The following NCAPD2 variants were observed in gnomAD, a reference collection of about 807,000 sequenced individuals.
NCAPD2 encodes non-SMC condensin I complex subunit D2.
In NCAPD2, 100 loss-of-function variants were observed where a neutral mutation model predicts 164.5. That is an observed-to-expected ratio of 0.61 (90% CI 0.52 to 0.72). The LOEUF (loss-of-function observed/expected upper bound fraction) is 0.72. Ranked by LOEUF, NCAPD2 falls within the 30% of genes least tolerant of loss-of-function variation. NCAPD2 has a pLI of 0.00. For synonymous variants in NCAPD2, 585 were observed against 642.6 expected (o/e 0.91, Z 1.36); for missense variants, 1,560 against 1,749.2 (o/e 0.89, Z 1.93).
chr12:6,528,628 A>C lies in NCAPD2; in HGVS notation c.3300-51A>C. On this transcript the variant is annotated intron_variant, in intron 25 of 31. Coordinates refer to ENST00000315579, the MANE Select transcript of NCAPD2 (RefSeq NM_014865.4). This position sits in a 1 kb window ranked among gnomAD's most constrained non-coding sequence, Gnocchi z 5.1. ...GCTGAGGGCCTTTTCTACCAGTGTT[A>C]GGGTGTAGCCCGGAGGTCTCGGTCC... 1 of 1,569,478 alleles carries C rather than the reference A, an allele frequency of 6.4e-7. No individual in the cohort carries two copies. Among genetic ancestry groups the C allele is most frequent in the Non-Finnish European group, 8.7e-7 (1 of 1,148,002 alleles).
intron 9 of NCAPD2, among the ~76,000 whole-genome samples, chr12:6,515,777 A>C (rs1946192600): frequency 6.6e-6 from 1 of 152,096 alleles, no homozygotes; most frequent in South Asian, 2.1e-4. Context: ...TCTCCACTAG[A>C]TTATGTATTG....
At position 6,526,266 on chromosome 12, in the gene NCAPD2, A is replaced by G. The variant is rs112575992; in HGVS notation, c.2482-21A>G. On this transcript the variant is annotated intron_variant, in intron 19 of 31. Coordinates refer to ENST00000315579, the MANE Select transcript of NCAPD2 (RefSeq NM_014865.4). ...TCGTGTCCACCCTGTACACACACCC[A>G]CGTTGTCTTGCTCTCCACAGCCTTC... 144 of 1,614,038 alleles carry G rather than the reference A, an allele frequency of 8.9e-5. No individual in the cohort carries two copies. In the African/African-American group the frequency reaches 1.7e-3, roughly 19 times the overall value.
chr12:6,518,507 T>TTTTTTTTTTTTTGTTTG (rs1946228669), intron 13 of NCAPD2, among the ~76,000 whole-genome samples: 1 of 88,312 alleles, frequency 1.1e-5, no homozygotes, highest in African/African-American at 5.6e-5. Context: ...TCAACAAGTT[T>TTTTTTTTTTTTTGTTTG]TTTTTTTTTT....
Position 6,514,508 on chromosome 12 carries a change from C to T in NCAPD2, c.760C>T (p.Leu254=), listed in dbSNP as rs1946181098. 6.2e-7 allele frequency: 1 copy of T among 1,614,226 alleles called. No homozygotes were observed. The highest frequency in any genetic ancestry group is 1.1e-5 in the South Asian group (1 of 91,082). ...IIQMLQHFEH[L]APVLVAAVSL... ...CCAGATGCTGCAGCACTTTGAACACCTGGCACCTGTACTGGTTGCAGCCGT... is the reference window on the plus strand; with the variant it reads ...CCAGATGCTGCAGCACTTTGAACACTTGGCACCTGTACTGGTTGCAGCCGT... The change falls in exon 8 of 32, where the codon CTG becomes TTG. Residue 254 remains leucine, a synonymous_variant. Coordinates refer to ENST00000315579, the MANE Select transcript of NCAPD2 (RefSeq NM_014865.4).
Position 6,531,270 on chromosome 12 carries a change from A to C in NCAPD2, c.4121-57A>C. On this transcript the variant is annotated intron_variant, in intron 31 of 31. Coordinates refer to ENST00000315579, the MANE Select transcript of NCAPD2 (RefSeq NM_014865.4). This position sits in a 1 kb window ranked among gnomAD's most constrained non-coding sequence, Gnocchi z 4.1. ...TTGTCTCACTTGTTCTCTGATATCT[A>C]TTTTTTCACCATCTTTGTGACTCAG... 1 of 1,561,170 alleles carries C rather than the reference A, an allele frequency of 6.4e-7. No individual in the cohort carries two copies. The highest frequency in any genetic ancestry group is 2.2e-5 in the East Asian group (1 of 44,562).
rs1946373038 is a variant in NCAPD2 at position 6,531,472 on chromosome 12, T to A, written c.*60T>A. 5 of 1,594,960 alleles carry A rather than the reference T, an allele frequency of 3.1e-6. No homozygotes were observed. The highest frequency in any genetic ancestry group is 4.3e-6 in the Non-Finnish European group (5 of 1,172,010). ...CTGTAGGGTGACCTGGAATTCGAAT[T>A]CTGTTTCCCTTGTAAAATATTTGTC... On this transcript the variant is annotated 3_prime_UTR_variant, in exon 32 of 32. Coordinates refer to ENST00000315579, the MANE Select transcript of NCAPD2 (RefSeq NM_014865.4). This position sits in a 1 kb window ranked among gnomAD's most constrained non-coding sequence, Gnocchi z 4.1.
intron 8 of NCAPD2, 63 bp downstream of exon 8, chr12:6,514,650 T>C: frequency 5.6e-6 from 9 of 1,612,284 alleles, no homozygotes; most frequent in Non-Finnish European, 6.8e-6. Context: ...AAAGAAAGAT[T>C]GGAAATACAT....
intron 15 of NCAPD2, 106 bp from the exon 16 acceptor site, chr12:6,522,722 G>A (rs2072373): frequency 0.19 from 231,829 of 1,248,248 alleles, 22,675 homozygotes; most frequent in East Asian, 0.31. Context: ...CAGGGAAAAT[G>A]CGGAAGGCCT....
At chr12:6,511,785 C>T (rs921430360) in intron 6 of NCAPD2, among the ~76,000 whole-genome samples, 8 of 149,868 alleles carry the variant, frequency 5.3e-5, no homozygotes, top group Admixed American at 2.7e-4. Flanking sequence ...AGTTCAAGAC[C>T]GGCCTGGCCA....
At chr12:6,499,831 G>C (rs1946018671) in intron 2 of NCAPD2, among the ~76,000 whole-genome samples, 1 of 152,130 alleles carries the variant, frequency 6.6e-6, no homozygotes, top group Non-Finnish European at 1.5e-5. Context: ...AAATAAAGAA[G>C]ACAGTGTGGC....
intron 2 of NCAPD2, among the ~76,000 whole-genome samples, chr12:6,498,809 G>A (rs1218029433): frequency 2.0e-5 from 3 of 152,090 alleles, no homozygotes; most frequent in African/African-American, 7.2e-5. Context: ...GTTTCACCAT[G>A]TTGGCCAGGA....
chr12:6,529,452 T>C (rs1946350808), intron 27 of NCAPD2, 61 bp from the exon 28 acceptor site: 10 of 1,466,900 alleles, frequency 6.8e-6, no homozygotes, highest in Non-Finnish European at 9.6e-6. Flanking sequence ...CCAGGGTTGG[T>C]CTTAGTGGAT....
chr12:6,526,792 T>C, intron 21 of NCAPD2, 99 bp from the exon 22 acceptor site: 2 of 1,463,548 alleles, frequency 1.4e-6, no homozygotes, highest in Non-Finnish European at 1.9e-6. Flanking sequence ...CTAGTTTGAA[T>C]AGCACGTGAG....
In NCAPD2 at chr12:6,523,274, G is replaced by C. The variant is rs777619239; in HGVS notation, c.2142G>C (p.Gln714His). The stretch of plus-strand genomic sequence containing the variant: ...GCTGTTCCCACAGAGCCAAGGCCCA[G>C]GCTTTGATTCAGAATCTCTCTCTGC... Reference protein sequence around the residue: ...PKGDSARAKAQALIQNLSLLL... With the variant: ...PKGDSARAKAHALIQNLSLLL... Residue 714 changes from glutamine (Q) to histidine (H), a missense_variant, in exon 17 of 32, where the codon CAG (glutamine) becomes CAC (histidine). By Grantham distance (24) the Gln-to-His change is conservative (BLOSUM62 0). Coordinates refer to ENST00000315579, the MANE Select transcript of NCAPD2 (RefSeq NM_014865.4). The C allele has an allele frequency of 1.9e-6, 3 of 1,614,166 alleles. No homozygotes were observed. Among genetic ancestry groups the C allele is most frequent in the East Asian group, 4.5e-5 (2 of 44,894 alleles).
In NCAPD2 at chr12:6,531,156, G is replaced by A. The variant is rs544830768; in HGVS notation, c.4120+80G>A. On this transcript the variant is annotated intron_variant, in intron 31 of 31. Transcript: ENST00000315579. The surrounding 1 kb of genome is among the most constrained non-coding windows in gnomAD (Gnocchi z 4.1). Reference sequence around the variant, plus strand: ...GGCTGGTTTCCATAGGACCTGCTGCGGGGGCCTGAGTGTAGATGCTCTGCC... The same window carrying A: ...GGCTGGTTTCCATAGGACCTGCTGCAGGGGCCTGAGTGTAGATGCTCTGCC... The A allele has an allele frequency of 4.5e-5, 71 of 1,571,896 alleles. 1 individual carries two copies. The highest frequency in any genetic ancestry group is 1.3e-4 in the African/African-American group (10 of 74,126).
chr12:6,510,213 ATTT>A, intron 4 of NCAPD2, 80 bp downstream of exon 4: 2 of 1,415,276 alleles, frequency 1.4e-6, no homozygotes, highest in Non-Finnish European at 1.0e-6. Context: ...TTTTTCCTAC[ATTT>A]TGTCAGCCAC....
At position 6,516,875 on chromosome 12, in the gene NCAPD2, G is replaced by A; in HGVS notation, c.1035G>A (p.Val345=). 6.2e-7 allele frequency: 1 copy of A among 1,614,164 alleles called. No individual in the cohort carries two copies. Among genetic ancestry groups the A allele is most frequent in the Non-Finnish European group, 8.5e-7 (1 of 1,180,042 alleles). Residue 345 remains valine, a synonymous_variant, in exon 10 of 32, where the codon GTG becomes GTA. Coordinates refer to ENST00000315579, the MANE Select transcript of NCAPD2 (RefSeq NM_014865.4). The stretch of plus-strand genomic sequence containing the variant: ...TGCTGGCAGCCATGGCGGAGATGGT[G>A]CTGCAGGTTCTCAGTGGCGATCAAC... ...NAVLAAMAEM[V]LQVLSGDQLE... is the part of the protein sequence containing the mutation.
chr12:6,526,521 G>A lies in NCAPD2; in HGVS notation c.2640G>A (p.Glu880=), dbSNP rs768681950. The A allele has an allele frequency of 6.2e-7, 1 of 1,614,140 alleles. No individual in the cohort carries two copies. Among genetic ancestry groups the A allele is most frequent in the Non-Finnish European group, 8.5e-7 (1 of 1,180,014 alleles). Residue 880 remains glutamate (E), a synonymous_variant, in exon 21 of 32, where the codon GAG becomes GAA. Transcript: ENST00000315579. ...VAVTLIYQLA[E]GPEVICAQIL... is the part of the protein sequence containing the mutation. ...TGACCCTCATTTACCAACTGGCAGA[G>A]GGCCCCGAAGTGATCTGTGCCCAGA...
intron 5 of NCAPD2, 93 bp from the exon 6 acceptor site, chr12:6,511,017 C>T: frequency 3.5e-6 from 5 of 1,410,044 alleles, no homozygotes; most frequent in Non-Finnish European, 4.9e-6. Flanking sequence ...TCTATGTTGT[C>T]TTGGTACTAG....
Sources: gnomAD v4.1 joint callset for allele counts (sites outside exome capture counted in the v4.1 genomes callset) on GRCh38, gnomAD v4.1.1 for gene constraint, Gnocchi (gnomAD v3.1) non-coding constraint, MANE v1.5 for transcripts, NCBI Gene and HGNC (gene_info 2026-07-23, HGNC 2026-07-21) for gene names.